Variants in CYSLTR2 observed in about 807,000 individuals in gnomAD.
CYSLTR2 encodes cysteinyl leukotriene receptor 2, also known as G-protein coupled receptor GPCR21.
For missense variants in CYSLTR2, 398 were observed against 411.9 expected (o/e 0.97, Z 0.29); for synonymous variants, 179 against 160.8 (o/e 1.11, Z -0.86).
chr13:48,693,740 A>AT (rs139223885), intron 3 of CYSLTR2, among the ~76,000 whole-genome samples: 7,538 of 152,276 alleles, frequency 0.05, 242 homozygotes, highest in Non-Finnish European at 0.077. Context: ...GCCCCTGGCG[A>AT]TTTTATCAAT....
intron 1 of CYSLTR2, among the ~76,000 whole-genome samples, chr13:48,659,528 G>C (rs1439051583): frequency 6.6e-6 from 1 of 152,176 alleles, no homozygotes; most frequent in African/African-American, 2.4e-5. Context: ...TTTAATAATG[G>C]AATATGAAAT....
intron 4 of CYSLTR2, chr13:48,706,445 G>A (rs1318951497): frequency 1.1e-5 from 2 of 177,310 alleles, no homozygotes; most frequent in African/African-American, 4.8e-5. Context: ...TTTGAGAAAT[G>A]TGCCATTTCT....
intron 4 of CYSLTR2, among the ~76,000 whole-genome samples, chr13:48,700,491 A>G (rs1023853052): frequency 2.6e-5 from 4 of 152,236 alleles, no homozygotes; most frequent in African/African-American, 9.6e-5. Context: ...AAAAAGTGTC[A>G]ATAAACTAGG....
chr13:48,707,165 T>C lies in CYSLTR2; in HGVS notation c.348T>C (p.Tyr116=). Residue 116 remains tyrosine (Y), a synonymous_variant, in exon 5 of 5, where the codon TAT becomes TAC. Coordinates refer to ENST00000682523, the MANE Select transcript of CYSLTR2 (RefSeq NM_001308476.3). ...FGDLACRIMS[Y]SLYVNMYSSI... The stretch of plus-strand genomic sequence containing the variant: ...ACCTGGCCTGCAGGATTATGTCTTA[T>C]TCCTTGTATGTCAACATGTACAGCA... The C allele has an allele frequency of 1.9e-6, 3 of 1,614,192 alleles. No homozygotes were observed. Among genetic ancestry groups the C allele is most frequent in the Non-Finnish European group, 2.5e-6 (3 of 1,180,020 alleles).
chr13:48,689,645 G>A (rs1180627699), intron 1 of CYSLTR2, among the ~76,000 whole-genome samples: 1 of 152,138 alleles, frequency 6.6e-6, no homozygotes, highest in Non-Finnish European at 1.5e-5. Flanking sequence ...ACTCTGTTTT[G>A]GTTACTGTAG....
intron 1 of CYSLTR2, among the ~76,000 whole-genome samples, chr13:48,664,673 G>C (rs923312519): frequency 3.3e-5 from 5 of 151,972 alleles, no homozygotes; most frequent in African/African-American, 1.2e-4. Flanking sequence ...GATCTGATGT[G>C]ATGTTTCCTT....
intron 1 of CYSLTR2, among the ~76,000 whole-genome samples, chr13:48,657,379 T>C (rs1033125199): frequency 3.3e-5 from 5 of 152,104 alleles, no homozygotes; most frequent in Non-Finnish European, 7.4e-5. Context: ...TAGGAAGAGC[T>C]GGGACCAGAG....
intron 4 of CYSLTR2, among the ~76,000 whole-genome samples, chr13:48,702,254 C>T (rs1417721538): frequency 8.4e-5 from 9 of 107,634 alleles, no homozygotes; most frequent in Admixed American, 4.1e-4. Flanking sequence ...ACACCGGCGT[C>T]TGTCATGGGG....
At chr13:48,671,618 G>A (rs140770019) in intron 1 of CYSLTR2, among the ~76,000 whole-genome samples, 1 of 152,314 alleles carries the variant, frequency 6.6e-6, no homozygotes, top group Non-Finnish European at 1.5e-5. Flanking sequence ...TGCATTCCAG[G>A]AATGAAGCCA....
intron 1 of CYSLTR2, among the ~76,000 whole-genome samples, chr13:48,658,522 A>G (rs532973721): frequency 1.2e-4 from 18 of 152,322 alleles, no homozygotes; most frequent in Admixed American, 9.8e-4. Flanking sequence ...CTTGCCTTCC[A>G]TGGGCAAACA....
At chr13:48,668,220 A>G (rs1052152478) in intron 1 of CYSLTR2, among the ~76,000 whole-genome samples, 1 of 152,032 alleles carries the variant, frequency 6.6e-6, no homozygotes, top group African/African-American at 2.4e-5. Flanking sequence ...GTTTTTATAC[A>G]AGTGCCATAG....
At position 48,708,790 on chromosome 13, in the gene CYSLTR2, A is replaced by G. The variant is rs1040619884; in HGVS notation, c.*932A>G. On this transcript the variant is annotated 3_prime_UTR_variant, in exon 5 of 5. Transcript: ENST00000682523. Reference sequence around the variant, plus strand: ...AATAGCAAAAGTTGTTGCACTCCTGAAATTCTATTAACATTTCCGCAGAAG... The same window carrying G: ...AATAGCAAAAGTTGTTGCACTCCTGGAATTCTATTAACATTTCCGCAGAAG... 1 of 167,038 alleles carries G rather than the reference A, an allele frequency of 6.0e-6. No individual in the cohort carries two copies. The allele number at this position is 167,038 out of a possible 1,614,324, so 10.3% of individuals were successfully genotyped here.
chr13:48,696,214 T>C (rs1396842401), intron 3 of CYSLTR2, among the ~76,000 whole-genome samples: 1 of 152,270 alleles, frequency 6.6e-6, no homozygotes, highest in East Asian at 1.9e-4. Flanking sequence ...TGTTTCTATC[T>C]TTTGCACATT....
intron 3 of CYSLTR2, among the ~76,000 whole-genome samples, chr13:48,695,692 T>C (rs1954166945): frequency 6.6e-6 from 1 of 152,212 alleles, no homozygotes; most frequent in African/African-American, 2.4e-5. Flanking sequence ...GATTAGTTTT[T>C]ATTTTCACAT....
intron 1 of CYSLTR2, among the ~76,000 whole-genome samples, chr13:48,677,370 G>C (rs1953625101): frequency 6.6e-6 from 1 of 152,156 alleles, no homozygotes; most frequent in Non-Finnish European, 1.5e-5. Flanking sequence ...CTCTGGTTCA[G>C]GGTGTCTAGG....
intron 1 of CYSLTR2, among the ~76,000 whole-genome samples, chr13:48,678,390 G>A (rs761221588): frequency 1.3e-5 from 2 of 152,032 alleles, no homozygotes; most frequent in Non-Finnish European, 2.9e-5. Context: ...TTGGCATTGT[G>A]TTCTTTACTC....
chr13:48,707,934 A>G lies in CYSLTR2; in HGVS notation c.*76A>G, dbSNP rs1217860772. 1.7e-6 allele frequency: 2 copies of G among 1,200,192 alleles called. No individual in the cohort carries two copies. Among genetic ancestry groups the G allele is most frequent in the Non-Finnish European group, 2.3e-6 (2 of 882,860 alleles). The allele number at this position is 1,200,192 out of a possible 1,614,324, so 74.3% of individuals were successfully genotyped here. On this transcript the variant is annotated 3_prime_UTR_variant, in exon 5 of 5. Transcript: ENST00000682523. ...ACTCATAGTCTCCAAATGACTTTGT[A>G]TTTACATCACTCCCAACAAATGTTG... is the stretch of plus-strand genomic sequence containing the variant.
chr13:48,706,230 A>G (rs1220260599), intron 4 of CYSLTR2, among the ~76,000 whole-genome samples: 2 of 152,160 alleles, frequency 1.3e-5, no homozygotes, highest in Non-Finnish European at 2.9e-5. Flanking sequence ...TCCTGACCTC[A>G]GGTGATCTGC....
At chr13:48,683,806 C>T (rs1390111547) in intron 1 of CYSLTR2, among the ~76,000 whole-genome samples, 2 of 152,120 alleles carry the variant, frequency 1.3e-5, no homozygotes, top group Admixed American at 6.5e-5. Context: ...AAATCTTTGC[C>T]AGACAGGGAA....
Sources: gnomAD v4.1 joint callset for allele counts (sites outside exome capture counted in the v4.1 genomes callset) on GRCh38, gnomAD v4.1.1 for gene constraint, MANE v1.5 for transcripts, NCBI Gene and HGNC (gene_info 2026-07-23, HGNC 2026-07-21) for gene names.